The following PRKDC variants were observed in gnomAD, a reference collection of about 807,000 sequenced individuals.
The protein encoded by PRKDC is protein kinase, DNA-activated, catalytic subunit.
Under a neutral mutation model 486.9 loss-of-function variants are expected in PRKDC, and 82 were observed. That is an observed-to-expected ratio of 0.17 (90% CI 0.14 to 0.20). The LOEUF is 0.20. PRKDC is among the 10% of genes least tolerant of loss of function. PRKDC has a pLI of 1.00. For synonymous variants in PRKDC, 1,895 were observed against 1,837.0 expected (o/e 1.03, Z -0.81); for missense variants, 4,504 against 5,038.2 (o/e 0.89, Z 3.21).
chr8:47,858,526 T>C lies in PRKDC; in HGVS notation c.6455A>G (p.Asn2152Ser). 1 of 1,507,174 alleles carries C rather than the reference T, an allele frequency of 6.6e-7. No individual in the cohort carries two copies. The highest frequency in any genetic ancestry group is 2.3e-5 in the East Asian group (1 of 42,732). The allele number at this position is 1,507,174 out of a possible 1,614,324, so 93.4% of individuals were successfully genotyped here. ...TAATCAATTACTTACCTCTTCTGTATTAATAACAAGCTTGGCTAAGAAGAG... is the reference window on the plus strand; with the variant it reads ...TAATCAATTACTTACCTCTTCTGTACTAATAACAAGCTTGGCTAAGAAGAG... ...IRLFLAKLVI[N>S]TEEVFRPYAK... is the part of the protein sequence containing the mutation. The change falls in exon 48 of 86, where the codon AAT (asparagine) becomes AGT (serine). Residue 2152 changes from asparagine (N) to serine (S), a missense_variant. By Grantham distance (46) the Asn-to-Ser change is conservative. Transcript: ENST00000314191.
chr8:47,889,300 G>A (rs2089405772), intron 32 of PRKDC, 78 bp from the exon 33 acceptor site: 9 of 1,278,314 alleles, frequency 7.0e-6, no homozygotes, highest in Non-Finnish European at 9.6e-6. Flanking sequence ...CCACAAGGTT[G>A]GGAACTTCTG....
intron 28 of PRKDC, 148 bp downstream of exon 28, chr8:47,900,225 G>T (rs2089654665): frequency 4.4e-6 from 2 of 450,220 alleles, no homozygotes; most frequent in Non-Finnish European, 7.5e-6. Context: ...TGGGTTTGAG[G>T]CACTGAAGGG....
At chr8:47,877,295 C>A (rs1036389705) in intron 40 of PRKDC, among the ~76,000 whole-genome samples, 1 of 152,208 alleles carries the variant, frequency 6.6e-6, no homozygotes, top group Admixed American at 6.5e-5. Flanking sequence ...TTGTTTGAGA[C>A]TACTGAGGAA....
At chr8:47,821,503 C>T in intron 65 of PRKDC, 101 bp downstream of exon 65, 1 of 1,169,796 alleles carries the variant, frequency 8.5e-7, no homozygotes, top group South Asian at 1.4e-5. Context: ...CCTAGTGCTT[C>T]ACAAGTACTA....
rs1412232753 is a variant in PRKDC, at chr8:47,936,535, C to G, written c.1114-18G>C. 1.2e-6 allele frequency: 2 copies of G among 1,613,074 alleles called. No homozygotes were observed. Among genetic ancestry groups the G allele is most frequent in the Non-Finnish European group, 1.7e-6 (2 of 1,179,218 alleles). ...TTGCACGGCTTTAGAAAAGGTAAAACAGAAGTCTTCATCAATCTTATCAAG... is the reference window on the plus strand; with the variant it reads ...TTGCACGGCTTTAGAAAAGGTAAAAGAGAAGTCTTCATCAATCTTATCAAG... On this transcript the variant is annotated intron_variant, in intron 11 of 85. Coordinates refer to ENST00000314191, the MANE Select transcript of PRKDC (RefSeq NM_006904.7).
chr8:47,913,402 AT>A (rs966026284), intron 24 of PRKDC, among the ~76,000 whole-genome samples: 46 of 147,416 alleles, frequency 3.1e-4, no homozygotes, highest in African/African-American at 4.9e-4. Flanking sequence ...TTGAAAGGCA[AT>A]TTTTTTTTTT....
At chr8:47,937,439 G>A (rs947681531) in intron 11 of PRKDC, among the ~76,000 whole-genome samples, 4 of 152,358 alleles carry the variant, frequency 2.6e-5, no homozygotes, top group African/African-American at 9.6e-5. Context: ...CCCCAAGGCT[G>A]TCCACCTACA....
chr8:47,837,536 A>G (rs997351818), intron 56 of PRKDC, 117 bp from the exon 57 acceptor site: 4 of 735,810 alleles, frequency 5.4e-6, no homozygotes, highest in Non-Finnish European at 8.8e-6. Flanking sequence ...AGCTTAACAG[A>G]GAGGGAAACC....
intron 85 of PRKDC, 98 bp from the exon 86 acceptor site, chr8:47,774,475 T>C: frequency 8.9e-7 from 1 of 1,124,710 alleles, no homozygotes; most frequent in Non-Finnish European, 1.3e-6. Flanking sequence ...CCCCACGTCA[T>C]CACTCACAGA....
Position 47,897,240 on chromosome 8 carries a change from T to G in PRKDC, c.3519A>C (p.Leu1173Phe), listed in dbSNP as rs777027751. 6.2e-7 allele frequency: 1 copy of G among 1,608,622 alleles called. No homozygotes were observed. Among genetic ancestry groups the G allele is most frequent in the East Asian group, 2.2e-5 (1 of 44,748 alleles). The change falls in exon 30 of 86, where the codon TTA becomes TTC. Residue 1173 changes from leucine (L) to phenylalanine (F), a missense_variant. Leu to Phe is a conservative substitution (Grantham distance 22). This residue lies in a region of PRKDC where 1,969 missense variants were observed against 2,068.9 expected (regional missense o/e 0.95). Coordinates refer to ENST00000314191, the MANE Select transcript of PRKDC (RefSeq NM_006904.7). ...CTGTCTGGGGCCTCCCACAATGAGC[T>G]AAAAGCCACTTGACCAGATCCAATA... is the stretch of plus-strand genomic sequence containing the variant. ...LCLLDLVKWL[L>F]AHCGRPQTEC...
Position 47,859,677 on chromosome 8 carries a change from G to A in PRKDC, c.6141C>T (p.Thr2047=), listed in dbSNP as rs8178141. Residue 2047 remains threonine, a synonymous_variant, in exon 46 of 86, where the codon ACC becomes ACT. Transcript: ENST00000314191. ...SEEMSQFDFS[T]GVQSYSYSSQ... ...AGCTGTATGAATAGCTCTGAACTCC[G>A]GTTGAGAAATCAAATTGACTCATTT... The A allele has an allele frequency of 5.3e-5, 85 of 1,613,780 alleles. No individual in the cohort carries two copies. Among genetic ancestry groups the A allele is most frequent in the Middle Eastern group, 1.6e-4 (1 of 6,084 alleles).
chr8:47,939,103 CAG>C (rs1318938711), intron 11 of PRKDC, among the ~76,000 whole-genome samples: 1 of 152,178 alleles, frequency 6.6e-6, no homozygotes, highest in African/African-American at 2.4e-5. Context: ...ATCTGCAAAA[CAG>C]AGTAATACTG....
At chr8:47,811,632 CAT>C (rs1384750807) in intron 68 of PRKDC, among the ~76,000 whole-genome samples, 7 of 152,088 alleles carry the variant, frequency 4.6e-5, no homozygotes, top group Non-Finnish European at 1.0e-4. Context: ...GATAAACACA[CAT>C]GAAATCCATC....
intron 35 of PRKDC, among the ~76,000 whole-genome samples, chr8:47,886,904 G>C (rs1192224379): frequency 6.6e-6 from 1 of 152,096 alleles, no homozygotes. Context: ...TGTCCAGGAT[G>C]GTCTCAAACT....
intron 21 of PRKDC, among the ~76,000 whole-genome samples, chr8:47,921,420 A>G (rs2090068884): frequency 6.6e-6 from 1 of 152,234 alleles, no homozygotes; most frequent in Non-Finnish European, 1.5e-5. Context: ...GGACTGACTG[A>G]GTTAATGGAT....
chr8:47,807,697 C>A (rs550193457), intron 68 of PRKDC, among the ~76,000 whole-genome samples: 1 of 149,264 alleles, frequency 6.7e-6, no homozygotes, highest in African/African-American at 2.5e-5. Flanking sequence ...GGATTACAGG[C>A]GTGAGCCACC....
chr8:47,884,237 G>T (rs1486376634), intron 36 of PRKDC, among the ~76,000 whole-genome samples: 1 of 152,238 alleles, frequency 6.6e-6, no homozygotes, highest in Non-Finnish European at 1.5e-5. Context: ...ACCCCCAGCA[G>T]CAGAGACAGG....
At chr8:47,850,957 G>A (rs749122862) in intron 52 of PRKDC, among the ~76,000 whole-genome samples, 1 of 152,144 alleles carries the variant, frequency 6.6e-6, no homozygotes, top group Non-Finnish European at 1.5e-5. Flanking sequence ...TTATGGGAGT[G>A]TGCCACCATG....
At chr8:47,943,082 T>C in intron 10 of PRKDC, 127 bp downstream of exon 10, 1 of 1,216,882 alleles carries the variant, frequency 8.2e-7, no homozygotes, top group Admixed American at 2.7e-5. Flanking sequence ...ATCAACATCT[T>C]TCTGCTTTAA....
Sources: allele counts gnomAD v4.1 joint callset (sites outside exome capture counted in the v4.1 genomes callset), GRCh38; gene constraint gnomAD v4.1.1; regional missense constraint gnomAD v4.1.1; transcripts MANE v1.5; gene names NCBI Gene and HGNC (gene_info 2026-07-23, HGNC 2026-07-21).